TLCD4: variants seen among roughly 807,000 people sequenced by gnomAD.
TLCD4 encodes the protein TLC domain containing 4.
Under a neutral mutation model 24.2 loss-of-function variants are expected in TLCD4, and 7 were observed. The observed-to-expected ratio is 0.29, with a 90% CI of 0.16 to 0.54. The LOEUF (loss-of-function observed/expected upper bound fraction) is 0.54. TLCD4 is among the 20% of genes least tolerant of loss of function. TLCD4 has a pLI of 0.95. For missense variants in TLCD4, 259 were observed against 313.9 expected (o/e 0.82, Z 1.32); for synonymous variants, 103 against 106.4 (o/e 0.97, Z 0.20).
intron 1 of TLCD4, among the ~76,000 whole-genome samples, chr1:95,141,632 CT>C (rs1677199605): frequency 6.6e-6 from 1 of 152,070 alleles, no homozygotes; most frequent in African/African-American, 2.4e-5. Context: ...ATGTACAAAA[CT>C]TTTATGTATT....
intron 3 of TLCD4, among the ~76,000 whole-genome samples, chr1:95,149,455 T>C (rs1397470292): frequency 6.6e-6 from 1 of 152,160 alleles, no homozygotes; most frequent in Non-Finnish European, 1.5e-5. Context: ...AGTTGTGGGC[T>C]CCGGGGGATG....
chr1:95,113,043 C>CTTT (rs1054737210), upstream of TLCD4, among the ~76,000 whole-genome samples: 1 of 136,718 alleles, frequency 7.3e-6, no homozygotes, highest in Non-Finnish European at 1.6e-5. Flanking sequence ...TCTTTTCTTT[C>CTTT]TTTTTTTTTT....
chr1:95,129,934 T>G (rs1482278201), intron 1 of TLCD4, among the ~76,000 whole-genome samples: 1 of 152,208 alleles, frequency 6.6e-6, no homozygotes, highest in Non-Finnish European at 1.5e-5. Flanking sequence ...GTTCTTTAAC[T>G]TGATGCTCAG....
rs1336563008 is a variant in TLCD4 at position 95,197,517 on chromosome 1, AT to A, written c.*5653del. The A allele has an allele frequency of 1.3e-5, 2 of 152,030 alleles. No individual in the cohort carries two copies. The highest frequency in any genetic ancestry group is 4.8e-5 in the African/African-American group (2 of 41,390). 9.4% of individuals were successfully genotyped at this position (152,030 alleles called of 1,614,324 possible). On this transcript the variant is annotated 3_prime_UTR_variant, in exon 7 of 7. Coordinates refer to ENST00000370203, the MANE Select transcript of TLCD4 (RefSeq NM_152487.3). ...CCCTCCCCTCCATGAAAACCTTGGG[AT>A]TTTCTTGTGCTAGAACACTACCACA...
upstream of TLCD4, among the ~76,000 whole-genome samples, chr1:95,113,240 G>A (rs945141516): frequency 1.3e-5 from 2 of 151,784 alleles, no homozygotes; most frequent in Admixed American, 6.6e-5. Flanking sequence ...ACGGGGTTTC[G>A]CCATGTTGGC....
At chr1:95,159,516 C>T (rs887833978) in intron 5 of TLCD4, among the ~76,000 whole-genome samples, 2 of 152,126 alleles carry the variant, frequency 1.3e-5, no homozygotes, top group Non-Finnish European at 2.9e-5. Context: ...TTAATTAGAT[C>T]GCATTTGTCA....
chr1:95,124,313 A>G (rs890364833), intron 1 of TLCD4, among the ~76,000 whole-genome samples: 2 of 152,224 alleles, frequency 1.3e-5, no homozygotes, highest in Non-Finnish European at 2.9e-5. Context: ...AGCAAAGAGA[A>G]GAGGCAAATG....
intron 5 of TLCD4, among the ~76,000 whole-genome samples, chr1:95,171,103 ATTAT>A (rs1440076015): frequency 1.3e-5 from 2 of 151,964 alleles, no homozygotes; most frequent in African/African-American, 4.8e-5. Flanking sequence ...ATTAAAATGA[ATTAT>A]TTATTTGTTA....
intron 2 of TLCD4, 94 bp from the exon 3 acceptor site, chr1:95,148,608 A>G (rs1219436209): frequency 8.5e-6 from 13 of 1,529,756 alleles, no homozygotes; most frequent in Non-Finnish European, 1.2e-5. Context: ...AAATGCTTCC[A>G]GGTATAACTT....
chr1:95,174,703 A>C (rs1045395747), intron 6 of TLCD4, among the ~76,000 whole-genome samples: 1 of 152,050 alleles, frequency 6.6e-6, no homozygotes, highest in Non-Finnish European at 1.5e-5. Flanking sequence ...TTTTTAAAAG[A>C]CTACTTTTAT....
At chr1:95,139,866 T>C (rs766024735) in intron 1 of TLCD4, among the ~76,000 whole-genome samples, 4 of 152,210 alleles carry the variant, frequency 2.6e-5, no homozygotes, top group African/African-American at 4.8e-5. Context: ...ATTTTTACAA[T>C]TATGTTATTA....
At chr1:95,133,861 C>G (rs1308848627) in intron 1 of TLCD4, among the ~76,000 whole-genome samples, 1 of 151,804 alleles carries the variant, frequency 6.6e-6, no homozygotes, top group Non-Finnish European at 1.5e-5. Flanking sequence ...AATAGTTGGG[C>G]ATATCCAGGA....
chr1:95,099,394 TTC>T, the TLCD4 span, among the ~76,000 whole-genome samples: 2 of 152,232 alleles, frequency 1.3e-5, no homozygotes, highest in Non-Finnish European at 2.9e-5. Flanking sequence ...TCAGCTCAAA[TTC>T]ACATTTACAA....
chr1:95,118,463 T>A (rs761750930), intron 1 of TLCD4, among the ~76,000 whole-genome samples: 5 of 152,204 alleles, frequency 3.3e-5, no homozygotes, highest in Non-Finnish European at 5.9e-5. Flanking sequence ...TATATGAAAT[T>A]ATGAAATTTA....
chr1:95,127,878 C>G (rs933663263), intron 1 of TLCD4, among the ~76,000 whole-genome samples: 1 of 152,208 alleles, frequency 6.6e-6, no homozygotes, highest in African/African-American at 2.4e-5. Flanking sequence ...TTACTATTGT[C>G]TCCTGGCTGA....
intron 5 of TLCD4, among the ~76,000 whole-genome samples, chr1:95,173,410 C>T (rs1678299749): frequency 1.3e-5 from 2 of 151,854 alleles, no homozygotes; most frequent in Non-Finnish European, 2.9e-5. Flanking sequence ...CCCGGGTTCA[C>T]GCCATTCTCC....
chr1:95,170,744 A>T (rs975433934), intron 5 of TLCD4, among the ~76,000 whole-genome samples: 10 of 152,148 alleles, frequency 6.6e-5, no homozygotes, highest in African/African-American at 2.4e-4. Flanking sequence ...TTTTAGTTGT[A>T]TACTGTTTCC....
chr1:95,143,128 CAG>C (rs1677251944), intron 1 of TLCD4, among the ~76,000 whole-genome samples: 1 of 152,216 alleles, frequency 6.6e-6, no homozygotes, highest in Middle Eastern at 3.4e-3. Flanking sequence ...AGCAACCAAT[CAG>C]AGGTACTTTC....
intron 6 of TLCD4, among the ~76,000 whole-genome samples, chr1:95,177,750 T>C (rs1678481171): frequency 6.6e-6 from 1 of 151,928 alleles, no homozygotes; most frequent in South Asian, 2.1e-4. Flanking sequence ...GGGGGTCAGA[T>C]CTCATAAATC....
Sources: allele counts gnomAD v4.1 joint callset (sites outside exome capture counted in the v4.1 genomes callset), GRCh38; gene constraint gnomAD v4.1.1; transcripts MANE v1.5; gene names NCBI Gene and HGNC (gene_info 2026-07-23, HGNC 2026-07-21).